The following MAGI1 variants were observed in gnomAD, a reference collection of about 807,000 sequenced individuals.
The protein encoded by MAGI1 is membrane associated guanylate kinase, WW and PDZ domain containing 1.
A neutral mutation model predicts 139.9 loss-of-function variants in MAGI1; 58 were observed. That is an observed-to-expected ratio of 0.41 (90% CI 0.34 to 0.52). The LOEUF (loss-of-function observed/expected upper bound fraction) is 0.52, where lower values mean the gene tolerates loss of function less well. Ranked by LOEUF, MAGI1 falls within the 20% of genes least tolerant of loss-of-function variation. MAGI1 has a pLI of 0.12. For missense variants in MAGI1, 1,874 were observed against 1,901.6 expected (o/e 0.99, Z 0.27); for synonymous variants, 812 against 737.9 (o/e 1.10, Z -1.63).
rs772970636 is a variant in MAGI1, at chr3:65,363,534, C to T, written c.3426G>A (p.Glu1142=). ...GCAGAACATAGAGGTCCATGTTATACTCTCGGCCTCCTCGAAGGCTAAAGC... is the reference window on the plus strand; with the variant it reads ...GCAGAACATAGAGGTCCATGTTATATTCTCGGCCTCCTCGAAGGCTAAAGC... ...GFGFSLRGGR[E]YNMDLYVLRL... Residue 1142 remains glutamate, a synonymous_variant, in exon 21 of 23, where the codon GAG becomes GAA. Transcript: ENST00000402939. 3 of 1,614,142 alleles carry T rather than the reference C, an allele frequency of 1.9e-6. No individual in the cohort carries two copies. Among genetic ancestry groups the T allele is most frequent in the Non-Finnish European group, 2.5e-6 (3 of 1,179,966 alleles).
At chr3:65,555,848 G>A (rs2080060312) in intron 2 of MAGI1, among the ~76,000 whole-genome samples, 1 of 152,098 alleles carries the variant, frequency 6.6e-6, no homozygotes. Flanking sequence ...GCAAGACCCT[G>A]TCTCAAAACA....
intron 1 of MAGI1, among the ~76,000 whole-genome samples, chr3:65,702,982 C>A (rs1394115763): frequency 6.6e-6 from 1 of 151,858 alleles, no homozygotes; most frequent in Admixed American, 6.6e-5. Context: ...ATGGAAGGTA[C>A]CCACCTTCAT....
In MAGI1 at chr3:65,439,898, C is replaced by CTGT. The variant is rs2107412338; in HGVS notation, c.1250_1251insACA (p.Gln421dup). On this transcript the variant is annotated inframe_insertion, in exon 9 of 23. Coordinates refer to ENST00000402939, the MANE Select transcript of MAGI1 (RefSeq NM_001033057.2). Reference sequence around the variant, plus strand: ...GCCAACCTTCTGTCTGCTGCTGCTGCTGCTGCTGCTGCTGCTGTTGCTGCT... The same window carrying CTGT: ...GCCAACCTTCTGTCTGCTGCTGCTGCTGTTGCTGCTGCTGCTGCTGTTGCTGCT... 1 of 1,609,088 alleles carries CTGT rather than the reference C, an allele frequency of 6.2e-7. No individual in the cohort carries two copies. Among genetic ancestry groups the CTGT allele is most frequent in the Non-Finnish European group, 8.5e-7 (1 of 1,177,154 alleles).
intron 1 of MAGI1, among the ~76,000 whole-genome samples, chr3:65,954,121 G>A (rs2063997127): frequency 6.6e-6 from 1 of 151,934 alleles, no homozygotes; most frequent in African/African-American, 2.4e-5. Flanking sequence ...CAACATCAGG[G>A]GGCAAAAAGT....
chr3:65,880,213 A>G (rs1316363654), intron 1 of MAGI1, among the ~76,000 whole-genome samples: 2 of 151,962 alleles, frequency 1.3e-5, no homozygotes, highest in Non-Finnish European at 2.9e-5. Context: ...CTGCACTCCA[A>G]CCTGGGTGAC....
chr3:65,892,619 G>A (rs1175202214), intron 1 of MAGI1, among the ~76,000 whole-genome samples: 1 of 152,040 alleles, frequency 6.6e-6, no homozygotes, highest in East Asian at 1.9e-4. Flanking sequence ...TTATGTATTA[G>A]GTGTTAACTG....
intron 1 of MAGI1, chr3:65,844,017 A>C (rs1051674603): frequency 8.8e-6 from 3 of 340,802 alleles, no homozygotes; most frequent in Non-Finnish European, 1.7e-5. Context: ...GCAGATATGA[A>C]AGCCACCAAG....
At chr3:65,610,252 G>A (rs1021753054) in intron 2 of MAGI1, among the ~76,000 whole-genome samples, 3 of 151,774 alleles carry the variant, frequency 2.0e-5, no homozygotes, top group Admixed American at 2.0e-4. Flanking sequence ...TCAATAGCTC[G>A]CCTCTGGGAG....
chr3:65,532,935 C>G (rs948078009), intron 2 of MAGI1: 1 of 152,204 alleles, frequency 6.6e-6, no homozygotes, highest in Non-Finnish European at 1.5e-5. Context: ...GCAGGACCGT[C>G]TCTCTCTCCT....
At chr3:65,831,726 A>G (rs2042540490) in intron 1 of MAGI1, among the ~76,000 whole-genome samples, 1 of 152,220 alleles carries the variant, frequency 6.6e-6, no homozygotes, top group South Asian at 2.1e-4. Context: ...AAAAGCACCT[A>G]CTGGAGAGAA....
chr3:65,615,022 CAAA>C (rs1294046769), intron 2 of MAGI1, among the ~76,000 whole-genome samples: 1 of 83,022 alleles, frequency 1.2e-5, no homozygotes, highest in Non-Finnish European at 2.5e-5. Flanking sequence ...ACTGTGTCTC[CAAA>C]AAAAAAAAAA....
intron 2 of MAGI1, among the ~76,000 whole-genome samples, chr3:65,580,350 C>G (rs967014787): frequency 3.3e-5 from 5 of 149,940 alleles, no homozygotes; most frequent in Non-Finnish European, 7.4e-5. Context: ...AATCTCGCAT[C>G]TTGCTTTTAA....
At chr3:65,651,607 C>A (rs1413505711) in intron 1 of MAGI1, among the ~76,000 whole-genome samples, 1 of 152,168 alleles carries the variant, frequency 6.6e-6, no homozygotes, top group African/African-American at 2.4e-5. Context: ...AGTCAATTAA[C>A]TGTTCATCAG....
At chr3:65,647,822 A>C (rs1437410343) in intron 1 of MAGI1, among the ~76,000 whole-genome samples, 1 of 152,196 alleles carries the variant, frequency 6.6e-6, no homozygotes, top group African/African-American at 2.4e-5. Context: ...AGAATACCCA[A>C]AACCCTACAT....
chr3:65,356,847 G>A lies in MAGI1; in HGVS notation c.3920C>T (p.Ala1307Val), dbSNP rs1397059295. ...KDRAPEGRRD[A>V]QAERAAAANG... ...GGCGGCTGCCGCGCGCTCGGCCTGCGCGTCCCTCCGTCCCTCCGGCGCCCG... is the reference window on the plus strand; with the variant it reads ...GGCGGCTGCCGCGCGCTCGGCCTGCACGTCCCTCCGTCCCTCCGGCGCCCG... Residue 1307 changes from alanine (A) to valine (V), a missense_variant, in exon 23 of 23, where the codon GCG becomes GTG. Transcript: ENST00000402939. 6.2e-7 allele frequency: 1 copy of A among 1,613,706 alleles called. No homozygotes were observed. Among genetic ancestry groups the A allele is most frequent in the Non-Finnish European group, 8.5e-7 (1 of 1,179,730 alleles).
intron 9 of MAGI1, among the ~76,000 whole-genome samples, chr3:65,438,104 C>A (rs1221969815): frequency 6.6e-6 from 1 of 152,078 alleles, no homozygotes; most frequent in South Asian, 2.1e-4. Flanking sequence ...CTACTCACAA[C>A]AGCAAAGATA....
chr3:65,566,897 G>A lies in MAGI1; in HGVS notation c.430+55075C>T, dbSNP rs866936718. ...TAGGCATGAGCCACAGCATCCGGCC[G>A]TCTTTAGATATATTAATTAAAATCT... On this transcript the variant is annotated intron_variant, in intron 2 of 22. Transcript: ENST00000402939. 8.6e-5 allele frequency among the ~76,000 whole-genome samples: 13 copies of A among 152,042 alleles called. No individual in the cohort carries two copies. In the Middle Eastern group the frequency reaches 0.01, roughly 119 times the overall value.
intron 2 of MAGI1, among the ~76,000 whole-genome samples, chr3:65,607,950 TA>T (rs931598316): frequency 2.0e-5 from 3 of 152,168 alleles, no homozygotes; most frequent in African/African-American, 4.8e-5. Flanking sequence ...AGAATAGGTT[TA>T]AAAAAATGTT....
At chr3:65,723,999 T>C (rs559905594) in intron 1 of MAGI1, among the ~76,000 whole-genome samples, 23 of 152,290 alleles carry the variant, frequency 1.5e-4, no homozygotes, top group Admixed American at 5.2e-4. Context: ...TGCAGACACA[T>C]ACATCATCAC....
Sources: gnomAD v4.1 joint callset for allele counts (sites outside exome capture counted in the v4.1 genomes callset) on GRCh38, gnomAD v4.1.1 for gene constraint, MANE v1.5 for transcripts, NCBI Gene and HGNC (gene_info 2026-07-23, HGNC 2026-07-21) for gene names.